The following ZNF658 variants were observed in gnomAD, a reference collection of about 807,000 sequenced individuals.
ZNF658 encodes the protein zinc finger protein 658.
ZNF658 carries 46 observed loss-of-function variants against 78.0 expected under a neutral mutation model. The ratio of observed to expected loss-of-function variants is 0.59; its 90% CI spans 0.47 to 0.75. The LOEUF is 0.75. ZNF658 is among the 30% of genes least tolerant of loss of function. ZNF658 has a pLI of 0.00. For missense variants in ZNF658, 785 were observed against 1,189.3 expected, an observed-to-expected ratio of 0.66 and a Z score of 5.00; for synonymous variants, 279 against 408.4, an observed-to-expected ratio of 0.68 and a Z score of 3.82.
At chr9:66,929,463 T>A (rs1431849855) in intron 6 of ZNF658, among the ~76,000 whole-genome samples, 1 of 146,430 alleles carries the variant, frequency 6.8e-6, no homozygotes, top group Non-Finnish European at 1.5e-5. Flanking sequence ...TCTTAAGCAC[T>A]GAAGGATTCC....
At chr9:66,910,181 C>A (rs1822180610) in intron 4 of ZNF658, among the ~76,000 whole-genome samples, 1 of 152,098 alleles carries the variant, frequency 6.6e-6, no homozygotes, top group African/African-American at 2.4e-5. Context: ...GGGAAGGACA[C>A]AAATAAGTCT....
chr9:66,918,404 G>A lies in ZNF658; in HGVS notation c.838G>A (p.Asp280Asn), dbSNP rs1393893340. 1.1e-5 allele frequency: 18 copies of A among 1,613,562 alleles called. No homozygotes were observed. The highest frequency in any genetic ancestry group is 1.4e-5 in the Non-Finnish European group (16 of 1,179,690). The part of the protein sequence containing the change: ...SDLNEYGTSC[D>N]KTTAVEYNKV... Reference sequence around the variant, plus strand: ...TCTTAATGAATATGGGACATCCTGTGACAAAACCACCGCTGTTGAATACAA... The same window carrying A: ...TCTTAATGAATATGGGACATCCTGTAACAAAACCACCGCTGTTGAATACAA... Residue 280 changes from aspartate (D) to asparagine (N), a missense_variant, in exon 5 of 5, where the codon GAC becomes AAC. By Grantham distance (23) the Asp-to-Asn change is conservative. Around this residue, in one of 12 missense-constraint regions of ZNF658, gnomAD observed 393 missense variants for 400.2 expected, o/e 0.98. Transcript: ENST00000621410.
chr9:66,901,825 T>C (rs1169701742), intron 1 of ZNF658, among the ~76,000 whole-genome samples: 1 of 151,688 alleles, frequency 6.6e-6, no homozygotes, highest in African/African-American at 2.4e-5. Context: ...ACTCCTGTAA[T>C]CCCAGCTACT....
In ZNF658 at chr9:66,908,310, A is replaced by G; in HGVS notation, c.88A>G (p.Arg30Gly). ...EEWQHLGPVERTLYRDVMLEN... is the reference protein window; with the variant it reads ...EEWQHLGPVEGTLYRDVMLEN... ...GTGGCAGCACCTGGGCCCTGTCGAG[A>G]GGACGCTGTACAGAGATGTGATGCT... The change falls in exon 3 of 5, where the codon AGG (arginine) becomes GGG (glycine). Residue 30 changes from arginine (R) to glycine (G), a missense_variant. Coordinates refer to ENST00000621410, the MANE Select transcript of ZNF658 (RefSeq NM_033160.7). The G allele has an allele frequency of 2.8e-5, 45 of 1,614,124 alleles. No individual in the cohort carries two copies. Among genetic ancestry groups the G allele is most frequent in the Non-Finnish European group, 3.8e-5 (45 of 1,180,018 alleles).
At chr9:66,930,668 C>T (rs62561216) in intron 6 of ZNF658, among the ~76,000 whole-genome samples, 35,847 of 151,478 alleles carry the variant, frequency 0.24, 4,556 homozygotes, top group Middle Eastern at 0.43. Context: ...CAGAGCAAGA[C>T]TCCGTCTCAA....
chr9:66,923,602 A>G (rs62561224), downstream of ZNF658, among the ~76,000 whole-genome samples: 65,953 of 139,216 alleles, frequency 0.47, 15,640 homozygotes, highest in African/African-American at 0.51. Context: ...GCTTTTATCT[A>G]AAGCCCTGGA....
downstream of ZNF658, among the ~76,000 whole-genome samples, chr9:66,925,208 G>A (rs1256499947): frequency 6.9e-6 from 1 of 144,668 alleles, no homozygotes; most frequent in Non-Finnish European, 1.5e-5. Context: ...GACATTACAA[G>A]AAAAGTAAAC....
In ZNF658 at chr9:66,920,962, C is replaced by T. The variant is rs1822512842; in HGVS notation, c.*216C>T. Reference sequence around the variant, plus strand: ...CCCTTAAAAAAAAAAAAGAAAAACCCTCACAGTCTTCCTGGTTCATAAGAT... The same window carrying T: ...CCCTTAAAAAAAAAAAAGAAAAACCTTCACAGTCTTCCTGGTTCATAAGAT... On this transcript the variant is annotated 3_prime_UTR_variant, in exon 5 of 5. Coordinates refer to ENST00000621410, the MANE Select transcript of ZNF658 (RefSeq NM_033160.7). 1.6e-6 allele frequency: 1 copy of T among 621,160 alleles called. No individual in the cohort carries two copies. The highest frequency in any genetic ancestry group is 1.8e-5 in the African/African-American group (1 of 54,178). The allele number at this position is 621,160 out of a possible 1,614,324, so 38.5% of individuals were successfully genotyped here.
chr9:66,915,553 T>G (rs1822316769), intron 4 of ZNF658, among the ~76,000 whole-genome samples: 1 of 151,500 alleles, frequency 6.6e-6, no homozygotes, highest in Non-Finnish European at 1.5e-5. Flanking sequence ...CACCCTAATC[T>G]CAGACTTCCA....
In ZNF658 at chr9:66,920,959, A is replaced by C; in HGVS notation, c.*213A>C. 3 of 623,014 alleles carry C rather than the reference A, an allele frequency of 4.8e-6. No individual in the cohort carries two copies. The highest frequency in any genetic ancestry group is 5.7e-6 in the Non-Finnish European group (2 of 352,676). The allele number at this position is 623,014 out of a possible 1,614,324, so 38.6% of individuals were successfully genotyped here. A position where few individuals can be genotyped will look rare whatever the true frequency, so the allele number is the denominator to read the frequency against. Reference sequence around the variant, plus strand: ...TGGCCCTTAAAAAAAAAAAAGAAAAACCCTCACAGTCTTCCTGGTTCATAA... The same window carrying C: ...TGGCCCTTAAAAAAAAAAAAGAAAACCCCTCACAGTCTTCCTGGTTCATAA... On this transcript the variant is annotated 3_prime_UTR_variant, in exon 5 of 5. Coordinates refer to ENST00000621410, the MANE Select transcript of ZNF658 (RefSeq NM_033160.7).
chr9:66,929,492 C>T (rs2118139730), intron 6 of ZNF658, among the ~76,000 whole-genome samples: 1 of 150,130 alleles, frequency 6.7e-6, no homozygotes, highest in South Asian at 2.1e-4. Context: ...TATAGACAGC[C>T]TTGTAGACAG....
chr9:66,926,280 G>A (rs1822585140), downstream of ZNF658, among the ~76,000 whole-genome samples: 1 of 133,238 alleles, frequency 7.5e-6, no homozygotes, highest in South Asian at 2.7e-4. Flanking sequence ...AAGTTCAGAA[G>A]GAAGAAGTGA....
intron 6 of ZNF658, among the ~76,000 whole-genome samples, chr9:66,928,786 C>T (rs1242569276): frequency 1.3e-5 from 2 of 148,184 alleles, no homozygotes; most frequent in African/African-American, 5.0e-5. Flanking sequence ...CATGTAAGAC[C>T]CTTCTACCCT....
chr9:66,914,700 C>T (rs935302753), intron 4 of ZNF658, among the ~76,000 whole-genome samples: 1 of 151,896 alleles, frequency 6.6e-6, no homozygotes, highest in African/African-American at 2.4e-5. Context: ...TTACATTGAC[C>T]TGAAATGCAG....
intron 4 of ZNF658, among the ~76,000 whole-genome samples, chr9:66,912,169 T>C (rs1822227407): frequency 8.8e-6 from 1 of 113,488 alleles, no homozygotes; most frequent in African/African-American, 4.1e-5. Context: ...AAAAAACATA[T>C]ACTTGATAGA....
At chr9:66,923,127 C>T (rs982929188), downstream of ZNF658, among the ~76,000 whole-genome samples, 2 of 141,056 alleles carry the variant, frequency 1.4e-5, no homozygotes, top group African/African-American at 5.0e-5. Context: ...GGGAAGCCAA[C>T]AGTGCAGCCT....
At position 66,918,367 on chromosome 9, in the gene ZNF658, GA is replaced by G. The variant is rs772324653; in HGVS notation, c.804del (p.Lys268AsnfsTer27). 6.2e-7 allele frequency: 1 copy of G among 1,613,864 alleles called. No individual in the cohort carries two copies. The highest frequency in any genetic ancestry group is 1.3e-5 in the African/African-American group (1 of 74,996). ...FNHMRTDTRG[K>X]CSDLNEYGTS... ...ACCACATGAGAACTGACACAAGGGG[GA>G]AATGCTCTGATCTTAATGAATATGG... On this transcript the variant is annotated frameshift_variant, in exon 5 of 5. Transcript: ENST00000621410. LOFTEE classifies it high-confidence loss of function.
intron 2 of ZNF658, among the ~76,000 whole-genome samples, chr9:66,905,740 C>T (rs563063158): frequency 2.0e-5 from 3 of 147,326 alleles, no homozygotes; most frequent in South Asian, 2.2e-4. Flanking sequence ...TTTATAGTTT[C>T]TGTTTATTTA....
chr9:66,910,577 G>C (rs1472701217), intron 4 of ZNF658, among the ~76,000 whole-genome samples: 1 of 152,016 alleles, frequency 6.6e-6, no homozygotes, highest in African/African-American at 2.4e-5. Context: ...GGGAGGCCAA[G>C]GCAGACAGAT....
Sources: allele counts gnomAD v4.1 joint callset (sites outside exome capture counted in the v4.1 genomes callset), GRCh38; gene constraint gnomAD v4.1.1; regional missense constraint gnomAD v4.1.1; transcripts MANE v1.5; gene names NCBI Gene and HGNC (gene_info 2026-07-23, HGNC 2026-07-21).